TLR6: variants seen among roughly 807,000 people sequenced by gnomAD.
TLR6 encodes toll-like receptor 6.
Under a neutral mutation model 16.1 loss-of-function variants are expected in TLR6, and 9 were observed. The ratio of observed to expected loss-of-function variants is 0.56; its 90% CI spans 0.34 to 0.98. The LOEUF is 0.98. TLR6 is among the 50% of genes least tolerant of loss of function. The probability of loss-of-function intolerance (pLI) is 0.02; values close to 1 mark genes in which losing one functional copy is unlikely to be tolerated. For missense variants in TLR6, 786 were observed against 921.0 expected (o/e 0.85, Z 1.90); for synonymous variants, 340 against 338.6 (o/e 1.00, Z -0.04).
chr4:38,828,216 G>T, exon 2 of TLR6: 1 of 1,613,616 alleles, frequency 6.2e-7, no homozygotes. Context: ...TTTTCTTTAT[G>T]TCTACCAGAT....
intron 1 of TLR6, among the ~76,000 whole-genome samples, chr4:38,850,802 C>A (rs1712740970): frequency 6.6e-6 from 1 of 152,162 alleles, no homozygotes; most frequent in Admixed American, 6.5e-5. Flanking sequence ...ACCAGAGGTA[C>A]AACTAGGAGC....
chr4:38,861,244 G>T (rs971467947), upstream of TLR6, among the ~76,000 whole-genome samples: 17 of 151,986 alleles, frequency 1.1e-4, no homozygotes, highest in African/African-American at 4.1e-4. Flanking sequence ...TAATTCTAGT[G>T]ATTTCCATAG....
At chr4:38,838,465 G>T (rs1367553076) in intron 1 of TLR6, among the ~76,000 whole-genome samples, 1 of 152,162 alleles carries the variant, frequency 6.6e-6, no homozygotes, top group Non-Finnish European at 1.5e-5. Context: ...GGACCTGGAG[G>T]TCATTACATT....
exon 2 of TLR6, chr4:38,827,923 G>A: frequency 6.2e-7 from 1 of 1,614,148 alleles, no homozygotes; most frequent in Non-Finnish European, 8.5e-7. Flanking sequence ...TCTTCTGGCA[G>A]CTCTGGAAGA....
chr4:38,862,949 A>G, the TLR6 span, among the ~76,000 whole-genome samples: 1 of 150,874 alleles, frequency 6.6e-6, no homozygotes, highest in Non-Finnish European at 1.5e-5. Flanking sequence ...AAAAAAAAAA[A>G]AAAAACTCCC....
At chr4:38,868,024 G>T in the TLR6 span, 1 of 422,108 alleles carries the variant, frequency 2.4e-6, no homozygotes, top group Non-Finnish European at 4.8e-6. Flanking sequence ...CTGGGGCGGC[G>T]CGGCCGAGGG....
intron 1 of TLR6, among the ~76,000 whole-genome samples, chr4:38,829,781 G>A (rs1436695467): frequency 1.3e-5 from 2 of 152,222 alleles, no homozygotes; most frequent in African/African-American, 2.4e-5. Flanking sequence ...CTGCCTGAGG[G>A]ATTCACACTC....
chr4:38,843,338 T>C (rs1280493920), intron 1 of TLR6, among the ~76,000 whole-genome samples: 1 of 152,188 alleles, frequency 6.6e-6, no homozygotes, highest in Admixed American at 6.5e-5. Flanking sequence ...ATTTTTAAAG[T>C]AGGTCTCTGT....
chr4:38,865,774 C>T, the TLR6 span, among the ~76,000 whole-genome samples: 14 of 152,316 alleles, frequency 9.2e-5, no homozygotes, highest in African/African-American at 3.4e-4. Flanking sequence ...TTCAAAAAGG[C>T]TATTGATCTC....
chr4:38,845,855 G>C (rs1712502880), intron 1 of TLR6, among the ~76,000 whole-genome samples: 1 of 152,148 alleles, frequency 6.6e-6, no homozygotes. Context: ...ACTTTGGGAG[G>C]CCGAGGTGGA....
chr4:38,862,683 C>G, the TLR6 span, among the ~76,000 whole-genome samples: 1 of 150,390 alleles, frequency 6.6e-6, no homozygotes, highest in Non-Finnish European at 1.5e-5. Flanking sequence ...GCAACCTCCG[C>G]CTCCCAGGTT....
At chr4:38,842,014 T>C (rs931041763) in intron 1 of TLR6, among the ~76,000 whole-genome samples, 1 of 152,216 alleles carries the variant, frequency 6.6e-6, no homozygotes, top group Non-Finnish European at 1.5e-5. Context: ...TTCAGAATTA[T>C]ATTTTCAGGA....
At chr4:38,868,058 A>AGTGT in the TLR6 span, 2 of 412,964 alleles carry the variant, frequency 4.8e-6, no homozygotes, top group East Asian at 9.2e-5. Context: ...CGGGCGTGTG[A>AGTGT]GTGTGTGTGT....
upstream of TLR6, among the ~76,000 whole-genome samples, chr4:38,859,615 A>G (rs1579265753): frequency 2.4e-5 from 3 of 125,092 alleles, no homozygotes; most frequent in Admixed American, 2.8e-4. Flanking sequence ...CCCAGGGTGG[A>G]GTGCAGTGGC....
At chr4:38,846,088 C>CAAAAA (rs10713614) in intron 1 of TLR6, among the ~76,000 whole-genome samples, 156 of 95,794 alleles carry the variant, frequency 1.6e-3, no homozygotes, top group Middle Eastern at 6.1e-3. Flanking sequence ...CGAGACATCT[C>CAAAAA]AAAAAAAAAA....
chr4:38,842,182 A>C (rs1477236067), intron 1 of TLR6, among the ~76,000 whole-genome samples: 1 of 152,180 alleles, frequency 6.6e-6, no homozygotes, highest in Non-Finnish European at 1.5e-5. Flanking sequence ...CAGGACATTG[A>C]GGCCTGGCCA....
exon 2 of TLR6, chr4:38,826,979 G>C: frequency 1.1e-6 from 1 of 925,020 alleles, no homozygotes; most frequent in East Asian, 2.7e-5. Context: ...CTTTCCTGAA[G>C]GCATGAGGAT....
chr4:38,867,031 G>A, the TLR6 span, among the ~76,000 whole-genome samples: 1 of 152,070 alleles, frequency 6.6e-6, no homozygotes, highest in Admixed American at 6.6e-5. Context: ...TAAACACTGC[G>A]CTTCCTCCGC....
At chr4:38,861,985 A>C in the TLR6 span, among the ~76,000 whole-genome samples, 1 of 152,212 alleles carries the variant, frequency 6.6e-6, no homozygotes, top group Non-Finnish European at 1.5e-5. Context: ...ATAGTTGCTA[A>C]AACATTCTTG....
Sources: gnomAD v4.1 joint callset for allele counts (sites outside exome capture counted in the v4.1 genomes callset) on GRCh38, gnomAD v4.1.1 for gene constraint, MANE v1.5 for transcripts, NCBI Gene and HGNC (gene_info 2026-07-23, HGNC 2026-07-21) for gene names.